The following DRAM1 variants were observed in gnomAD, a reference collection of about 807,000 sequenced individuals.
DRAM1 encodes the protein DNA damage-regulated autophagy modulator protein 1.
A neutral mutation model predicts 28.5 loss-of-function variants in DRAM1; 25 were observed. That is an observed-to-expected ratio of 0.88 (90% CI 0.64 to 1.23). DRAM1 has a LOEUF of 1.23. DRAM1 is among the 50% of genes most tolerant of loss of function. The pLI is 0.00. For missense variants in DRAM1, 249 were observed against 299.2 expected, an observed-to-expected ratio of 0.83 and a Z score of 1.24; for synonymous variants, 113 against 114.2, an observed-to-expected ratio of 0.99 and a Z score of 0.07.
chr12:101,909,983 C>T (rs1459247916), intron 4 of DRAM1, among the ~76,000 whole-genome samples: 2 of 152,108 alleles, frequency 1.3e-5, no homozygotes, highest in Non-Finnish European at 1.5e-5. Flanking sequence ...GGTTGAGTTA[C>T]GGTATAAAGT....
intron 1 of DRAM1, among the ~76,000 whole-genome samples, chr12:101,887,729 G>T (rs946489393): frequency 1.3e-5 from 2 of 151,842 alleles, no homozygotes; most frequent in Non-Finnish European, 2.9e-5. Context: ...GTAGAGACGG[G>T]GGTTTCACCA....
intron 4 of DRAM1, among the ~76,000 whole-genome samples, chr12:101,913,231 T>C (rs1240403094): frequency 6.6e-6 from 1 of 152,134 alleles, no homozygotes; most frequent in Non-Finnish European, 1.5e-5. Context: ...AAGTCTGATA[T>C]GGGGCGAATC....
chr12:101,886,888 G>A (rs1012179402), intron 1 of DRAM1, among the ~76,000 whole-genome samples: 5 of 152,226 alleles, frequency 3.3e-5, no homozygotes, highest in African/African-American at 1.2e-4. Flanking sequence ...GCTCATGCCT[G>A]GAATCCCAGT....
chr12:101,878,099 G>A (rs1310387946), intron 1 of DRAM1, among the ~76,000 whole-genome samples, 179 bp downstream of exon 1: 2 of 152,110 alleles, frequency 1.3e-5, no homozygotes, highest in Admixed American at 1.3e-4. Flanking sequence ...CAGCGGGTGC[G>A]GCGCTGAGCA....
intron 5 of DRAM1, among the ~76,000 whole-genome samples, chr12:101,915,326 G>T (rs116313423): frequency 0.014 from 2,172 of 152,256 alleles, 37 homozygotes; most frequent in African/African-American, 0.05. Context: ...TAGTAAAAGA[G>T]GGTAGAGGGA....
At chr12:101,911,302 A>G (rs1334444525) in intron 4 of DRAM1, among the ~76,000 whole-genome samples, 2 of 152,212 alleles carry the variant, frequency 1.3e-5, no homozygotes, top group African/African-American at 4.8e-5. Context: ...TCTGTATAAT[A>G]GCCTCATTTG....
chr12:101,896,063 T>G (rs1873358441), intron 1 of DRAM1, among the ~76,000 whole-genome samples: 1 of 151,956 alleles, frequency 6.6e-6, no homozygotes. Flanking sequence ...ATTTTTGTAT[T>G]TTTTAGTAGA....
At chr12:101,906,041 G>A (rs548151511) in intron 3 of DRAM1, among the ~76,000 whole-genome samples, 2 of 152,254 alleles carry the variant, frequency 1.3e-5, no homozygotes, top group African/African-American at 4.8e-5. Context: ...ACCTGCCTCA[G>A]CCTCCCAAAG....
At chr12:101,906,912 A>G (rs1873837080) in intron 3 of DRAM1, among the ~76,000 whole-genome samples, 3 of 151,016 alleles carry the variant, frequency 2.0e-5, no homozygotes, top group African/African-American at 7.3e-5. Flanking sequence ...GGTGAGGTGC[A>G]TTTTGAGTGT....
intron 3 of DRAM1, among the ~76,000 whole-genome samples, chr12:101,907,199 C>CAAAAAAAAAAAAA (rs397965756): frequency 1.1e-4 from 9 of 85,072 alleles, no homozygotes; most frequent in East Asian, 3.3e-4. Flanking sequence ...GACCCTGTCT[C>CAAAAAAAAAAAAA]AAAAAAAAAA....
chr12:101,881,248 C>G (rs1349062971), intron 1 of DRAM1, among the ~76,000 whole-genome samples: 1 of 152,148 alleles, frequency 6.6e-6, no homozygotes. Flanking sequence ...CCACTGCACT[C>G]CAGTCTGGGT....
intron 1 of DRAM1, among the ~76,000 whole-genome samples, 197 bp from the exon 2 acceptor site, chr12:101,897,666 C>T (rs1165214826): frequency 2.1e-4 from 32 of 152,070 alleles, no homozygotes; most frequent in Admixed American, 2.1e-3. Flanking sequence ...TGGAATCTCT[C>T]ATGGTATAAA....
intron 5 of DRAM1, among the ~76,000 whole-genome samples, chr12:101,914,650 T>G (rs1287847040): frequency 1.8e-4 from 28 of 151,888 alleles, no homozygotes; most frequent in Admixed American, 1.7e-3. Flanking sequence ...GCCCAGCTAA[T>G]TTTTGATTTT....
At chr12:101,885,910 G>A (rs1872871101) in intron 1 of DRAM1, among the ~76,000 whole-genome samples, 2 of 152,158 alleles carry the variant, frequency 1.3e-5, no homozygotes, top group South Asian at 2.1e-4. Context: ...GCTCCATGAG[G>A]ATAGAGATTT....
chr12:101,897,497 G>A (rs1435513840), intron 1 of DRAM1, among the ~76,000 whole-genome samples: 1 of 151,778 alleles, frequency 6.6e-6, no homozygotes, highest in Middle Eastern at 3.4e-3. Flanking sequence ...CGCTGCACCC[G>A]GCCTCAAACA....
chr12:101,902,915 C>CTT (rs113899412), intron 3 of DRAM1, among the ~76,000 whole-genome samples: 11 of 147,892 alleles, frequency 7.4e-5, no homozygotes, highest in Non-Finnish European at 7.5e-5. Context: ...GTGACTGCCT[C>CTT]TTTTTTTTTT....
intron 1 of DRAM1, among the ~76,000 whole-genome samples, chr12:101,896,840 T>G (rs1051146054): frequency 5.3e-5 from 8 of 151,766 alleles, no homozygotes; most frequent in African/African-American, 1.5e-4. Context: ...TAGGCTGGAG[T>G]GCAATGGTGT....
intron 2 of DRAM1, among the ~76,000 whole-genome samples, chr12:101,900,036 T>C (rs761051870): frequency 6.6e-6 from 1 of 152,234 alleles, no homozygotes; most frequent in Non-Finnish European, 1.5e-5. Context: ...ATTTACTAAG[T>C]ATGTACTATA....
At chr12:101,900,108 A>G (rs963342721) in intron 2 of DRAM1, among the ~76,000 whole-genome samples, 1 of 152,334 alleles carries the variant, frequency 6.6e-6, no homozygotes, top group African/African-American at 2.4e-5. Flanking sequence ...CAAAACAGAC[A>G]AGAGCCCTGC....
Sources: allele counts gnomAD v4.1 joint callset (sites outside exome capture counted in the v4.1 genomes callset), GRCh38; gene constraint gnomAD v4.1.1; transcripts MANE v1.5; gene names NCBI Gene and HGNC (gene_info 2026-07-23, HGNC 2026-07-21).